STK33: variants seen among roughly 807,000 people sequenced by gnomAD.
STK33 encodes the protein serine/threonine-protein kinase 33.
Under a neutral mutation model 58.0 loss-of-function variants are expected in STK33, and 52 were observed. That is an observed-to-expected ratio of 0.90 (90% CI 0.72 to 1.13). The LOEUF (loss-of-function observed/expected upper bound fraction) is 1.13, where lower values mean the gene tolerates loss of function less well. Among genes scored for constraint, STK33 ranks in the 50% most tolerant of loss-of-function variants. The pLI is 0.00. For missense variants in STK33, 630 were observed against 604.2 expected (o/e 1.04, Z -0.45); for synonymous variants, 215 against 200.1 (o/e 1.07, Z -0.63).
chr11:8,394,828 T>C lies in STK33; in HGVS notation c.1345-2118A>G, dbSNP rs546432912. On this transcript the variant is annotated intron_variant, in intron 15 of 15. Transcript: ENST00000687296. The stretch of plus-strand genomic sequence containing the variant: ...AATATGATATTTCTGTTTTATTTTG[T>C]AGTAAGATAAGAAAATGATTTTCCT... Among the ~76,000 whole-genome samples, 4 of 152,316 alleles carry C rather than the reference T, an allele frequency of 2.6e-5. No individual in the cohort carries two copies. The South Asian group carries it at 6.2e-4, about 24-fold the overall frequency.
chr11:8,443,509 A>G (rs1945023953), intron 11 of STK33, among the ~76,000 whole-genome samples: 1 of 152,196 alleles, frequency 6.6e-6, no homozygotes, highest in African/African-American at 2.4e-5. Flanking sequence ...AAAATTCTAA[A>G]AACACTTATA....
intron 1 of STK33, among the ~76,000 whole-genome samples, chr11:8,590,361 C>G (rs1179512216): frequency 6.6e-6 from 1 of 151,806 alleles, no homozygotes; most frequent in Non-Finnish European, 1.5e-5. Context: ...TGATCAGCAC[C>G]CCATAAATAT....
chr11:8,345,471 A>G, the STK33 span, among the ~76,000 whole-genome samples: 1 of 152,256 alleles, frequency 6.6e-6, no homozygotes, highest in Non-Finnish European at 1.5e-5. Flanking sequence ...GATGCCGGGG[A>G]AAATGCTGAA....
chr11:8,467,365 C>A, intron 6 of STK33: 1 of 153,548 alleles, frequency 6.5e-6, no homozygotes, highest in Non-Finnish European at 1.4e-5. Context: ...ACCAGATACC[C>A]TAAATCATCT....
chr11:8,353,981 G>A, the STK33 span, among the ~76,000 whole-genome samples: 2 of 152,156 alleles, frequency 1.3e-5, no homozygotes, highest in African/African-American at 4.8e-5. Context: ...CAAGGGTCAG[G>A]TTTCATTGCC....
chr11:8,506,758 C>T (rs79120320), intron 1 of STK33, among the ~76,000 whole-genome samples: 2,403 of 152,254 alleles, frequency 0.016, 58 homozygotes, highest in African/African-American at 0.054. Flanking sequence ...CTACCACAAG[C>T]TCCTTTATGG....
At chr11:8,568,721 A>G (rs1957607260) in intron 1 of STK33, among the ~76,000 whole-genome samples, 1 of 152,222 alleles carries the variant, frequency 6.6e-6, no homozygotes, top group South Asian at 2.1e-4. Flanking sequence ...TCTAGGAAAT[A>G]TAATGCAGCA....
intron 1 of STK33, among the ~76,000 whole-genome samples, chr11:8,536,298 A>G (rs1433913242): frequency 6.6e-6 from 1 of 152,226 alleles, no homozygotes; most frequent in Non-Finnish European, 1.5e-5. Context: ...ACAGAATTTC[A>G]CAGGTATCTC....
At chr11:8,496,718 G>C (rs1000369027) in intron 1 of STK33, among the ~76,000 whole-genome samples, 1 of 151,856 alleles carries the variant, frequency 6.6e-6, no homozygotes, top group Admixed American at 6.6e-5. Context: ...GGGACTACAG[G>C]TGCCCACCAC....
At chr11:8,445,220 C>T (rs1443739059) in intron 11 of STK33, among the ~76,000 whole-genome samples, 2 of 152,128 alleles carry the variant, frequency 1.3e-5, no homozygotes, top group Admixed American at 6.6e-5. Flanking sequence ...GATTTTTGCA[C>T]ATTGATTTTG....
intron 14 of STK33, among the ~76,000 whole-genome samples, chr11:8,416,099 G>T (rs2135729668): frequency 6.6e-6 from 1 of 152,238 alleles, no homozygotes; most frequent in Admixed American, 6.5e-5. Context: ...TATTTGTGTT[G>T]CCTCCTTTTC....
the STK33 span, among the ~76,000 whole-genome samples, chr11:8,348,628 C>A: frequency 6.6e-6 from 1 of 152,180 alleles, no homozygotes; most frequent in Non-Finnish European, 1.5e-5. Context: ...TATGCTGGGG[C>A]TTACAGTAAA....
chr11:8,592,086 C>T (rs1303266791), intron 1 of STK33, among the ~76,000 whole-genome samples: 1 of 152,118 alleles, frequency 6.6e-6, no homozygotes, highest in African/African-American at 2.4e-5. Context: ...CTGTTTGACT[C>T]AAAGTTCAGA....
chr11:8,342,693 A>C, the STK33 span, among the ~76,000 whole-genome samples: 1 of 152,272 alleles, frequency 6.6e-6, no homozygotes, highest in Admixed American at 6.5e-5. Context: ...TCCTTGTTTA[A>C]CTGATGAGGA....
At chr11:8,517,819 T>G (rs1952950953) in intron 1 of STK33, among the ~76,000 whole-genome samples, 1 of 152,106 alleles carries the variant, frequency 6.6e-6, no homozygotes, top group Non-Finnish European at 1.5e-5. Flanking sequence ...GAATGAAGCC[T>G]CCAAGAAATA....
chr11:8,365,920 T>C, the STK33 span, among the ~76,000 whole-genome samples: 1 of 152,222 alleles, frequency 6.6e-6, no homozygotes, highest in Non-Finnish European at 1.5e-5. Flanking sequence ...TCTCAGCCTT[T>C]CCGCCTGTCT....
intron 1 of STK33, among the ~76,000 whole-genome samples, chr11:8,529,158 T>C (rs1412084245): frequency 6.6e-6 from 1 of 152,214 alleles, no homozygotes; most frequent in African/African-American, 2.4e-5. Context: ...TCTAAAACTA[T>C]TTAGTATAAG....
In STK33 at chr11:8,453,069, C is replaced by A. The variant is rs1448121117; in HGVS notation, c.787-163G>T. Among the ~76,000 whole-genome samples, 7 of 152,190 alleles carry A rather than the reference C, an allele frequency of 4.6e-5. No homozygotes were observed. In the East Asian group the frequency reaches 1.4e-3, roughly 29 times the overall value. ...AAAAATTTTGCATTTCCTTCCCCAC[C>A]CACCTCTCTGTATAGAGGAGAAACT... On this transcript the variant is annotated intron_variant, in intron 10 of 15. Transcript: ENST00000687296.
intron 11 of STK33, among the ~76,000 whole-genome samples, chr11:8,446,272 T>C (rs994233898): frequency 1.9e-5 from 2 of 106,010 alleles, no homozygotes; most frequent in Admixed American, 1.9e-4. Context: ...TCTCTCTTTT[T>C]TCTTATTAGT....
Sources: allele counts gnomAD v4.1 joint callset (sites outside exome capture counted in the v4.1 genomes callset), GRCh38; gene constraint gnomAD v4.1.1; transcripts MANE v1.5; gene names NCBI Gene and HGNC (gene_info 2026-07-23, HGNC 2026-07-21).